The following TNRC6C variants were observed in gnomAD, a reference collection of about 807,000 sequenced individuals.
TNRC6C encodes the protein trinucleotide repeat containing adaptor 6C.
Under a neutral mutation model 153.7 loss-of-function variants are expected in TNRC6C, and 20 were observed. The observed-to-expected ratio is 0.13, with a 90% CI of 0.09 to 0.19. The LOEUF (loss-of-function observed/expected upper bound fraction) is 0.19. TNRC6C is among the 10% of genes least tolerant of loss of function. TNRC6C has a pLI of 1.00. For synonymous variants in TNRC6C, 811 were observed against 841.4 expected (o/e 0.96, Z 0.63); for missense variants, 1,987 against 2,172.0 (o/e 0.91, Z 1.69).
At chr17:78,066,641 G>A (rs1440199213) in intron 4 of TNRC6C, 2 of 152,164 alleles carry the variant, frequency 1.3e-5, no homozygotes, top group African/African-American at 4.8e-5. Flanking sequence ...TCCAAGAAGT[G>A]AAAATTTGGG....
upstream of TNRC6C, among the ~76,000 whole-genome samples, chr17:78,002,793 C>T (rs1361801298): frequency 6.6e-6 from 1 of 152,202 alleles, no homozygotes; most frequent in Non-Finnish European, 1.5e-5. Flanking sequence ...CACCTCCCTC[C>T]ATCCTTGTTT....
At chr17:78,018,143 T>G (rs1439592168) in intron 1 of TNRC6C, among the ~76,000 whole-genome samples, 2 of 152,204 alleles carry the variant, frequency 1.3e-5, no homozygotes, top group African/African-American at 4.8e-5. Flanking sequence ...TTTTGGTTTT[T>G]TTGAGATGGA....
chr17:78,094,911 G>A (rs757777484), intron 16 of TNRC6C, among the ~76,000 whole-genome samples: 2 of 152,214 alleles, frequency 1.3e-5, no homozygotes, highest in Non-Finnish European at 2.9e-5. Context: ...GGGTGTCCCT[G>A]CTGTCAGACA....
exon 2 of TNRC6C, chr17:78,031,663 G>C (rs2072077020): frequency 8.1e-7 from 1 of 1,232,458 alleles, no homozygotes; most frequent in Non-Finnish European, 1.0e-6. Context: ...TACCTGCCTC[G>C]TGAGGTGCCT....
Position 78,029,342 on chromosome 17 carries a change from AC to A in TNRC6C, c.-545-2172del, listed in dbSNP as rs113671543. Among the ~76,000 whole-genome samples, 512 of 152,320 alleles carry A rather than the reference AC, an allele frequency of 3.4e-3. 2 individuals are homozygous for A. Among genetic ancestry groups the A allele is most frequent in the African/African-American group, 0.012 (493 of 41,564 alleles). On this transcript the variant is annotated intron_variant, in intron 1 of 19. Coordinates refer to ENST00000301624, the Ensembl canonical transcript of TNRC6C. ...CTACTCACCTATGCCATGTGATAGA[AC>A]CTTTTGCTCCTAGGCTGCAAGCCTC...
At chr17:78,041,810 T>C (rs74603808) in intron 2 of TNRC6C, among the ~76,000 whole-genome samples, 30 of 152,356 alleles carry the variant, frequency 2.0e-4, no homozygotes, top group South Asian at 4.1e-4. Context: ...CTATCAACTG[T>C]TGAAAGCATT....
chr17:78,084,500 G>A (rs1021320723), intron 11 of TNRC6C, among the ~76,000 whole-genome samples: 10 of 151,900 alleles, frequency 6.6e-5, no homozygotes, highest in Non-Finnish European at 1.0e-4. Context: ...AAGGAAGGAG[G>A]GAAGGACGTG....
chr17:77,986,205 C>T (rs1026056876), intron 1 of TNRC6C, among the ~76,000 whole-genome samples: 6 of 152,118 alleles, frequency 3.9e-5, no homozygotes, highest in South Asian at 2.1e-4. Flanking sequence ...CACCCGAGGT[C>T]GGGAGTTTGA....
At chr17:78,073,783 G>T (rs925439947) in intron 7 of TNRC6C, among the ~76,000 whole-genome samples, 2 of 151,976 alleles carry the variant, frequency 1.3e-5, no homozygotes, top group Non-Finnish European at 2.9e-5. Flanking sequence ...ATTTAATATT[G>T]ATATATTAGC....
chr17:78,041,888 T>G (rs2072303595), intron 2 of TNRC6C, among the ~76,000 whole-genome samples: 1 of 152,230 alleles, frequency 6.6e-6, no homozygotes, highest in African/African-American at 2.4e-5. Flanking sequence ...ATGAACACAT[T>G]TACTATTTGT....
chr17:78,064,976 G>A (rs1481938029), intron 4 of TNRC6C, 39 bp downstream of exon 6: 1 of 1,555,938 alleles, frequency 6.4e-7, no homozygotes. Context: ...CTGGCAATTT[G>A]GAAATGACTC....
chr17:78,017,674 G>T (rs1016623298), intron 1 of TNRC6C, among the ~76,000 whole-genome samples: 3 of 152,210 alleles, frequency 2.0e-5, no homozygotes, highest in Non-Finnish European at 4.4e-5. Flanking sequence ...ACCACCCAGT[G>T]CTCTCCCAGC....
intron 5 of TNRC6C, among the ~76,000 whole-genome samples, chr17:78,070,006 C>T (rs66483463): frequency 0.029 from 4,436 of 152,196 alleles, 84 homozygotes; most frequent in Middle Eastern, 0.054. Flanking sequence ...TTTCTTTATA[C>T]CTTGTTTATA....
chr17:77,991,073 A>G (rs979758757), intron 1 of TNRC6C, among the ~76,000 whole-genome samples: 5 of 152,204 alleles, frequency 3.3e-5, no homozygotes, highest in African/African-American at 1.2e-4. Flanking sequence ...TTTATAACAA[A>G]TTCATTCTGT....
upstream of TNRC6C, chr17:78,004,030 C>T (rs146615890): frequency 3.0e-5 from 34 of 1,125,004 alleles, 1 homozygote; most frequent in African/African-American, 4.5e-4. Flanking sequence ...GGGAAGTGTC[C>T]CTTTCTAGCA....
chr17:78,035,268 G>C (rs974731253), intron 2 of TNRC6C, among the ~76,000 whole-genome samples: 2 of 152,220 alleles, frequency 1.3e-5, no homozygotes, highest in African/African-American at 4.8e-5. Flanking sequence ...GTATGGCAAA[G>C]TGGTCAAGAG....
chr17:78,058,201 G>T (rs536496507), intron 3 of TNRC6C, among the ~76,000 whole-genome samples: 1 of 152,124 alleles, frequency 6.6e-6, no homozygotes, highest in Non-Finnish European at 1.5e-5. Flanking sequence ...CTATTAAGTC[G>T]TCATAAAATC....
intron 7 of TNRC6C, among the ~76,000 whole-genome samples, chr17:78,073,589 G>A (rs1378329683): frequency 6.6e-6 from 1 of 152,066 alleles, no homozygotes; most frequent in African/African-American, 2.4e-5. Flanking sequence ...AAATATAGTC[G>A]ATTCTTATTT....
intron 1 of TNRC6C, among the ~76,000 whole-genome samples, chr17:78,031,082 CAG>C (rs1252292636): frequency 6.6e-6 from 1 of 151,680 alleles, no homozygotes; most frequent in African/African-American, 2.4e-5. Context: ...GCCTGGGTGA[CAG>C]AGTGAGACAC....
Sources: allele counts gnomAD v4.1 joint callset (sites outside exome capture counted in the v4.1 genomes callset), GRCh38; gene constraint gnomAD v4.1.1; transcripts MANE v1.5; gene names NCBI Gene and HGNC (gene_info 2026-07-23, HGNC 2026-07-21).